The following ARID1B variants were observed in gnomAD, a reference collection of about 807,000 sequenced individuals.
The protein encoded by ARID1B is AT-rich interaction domain 1B, also known as AT-rich interactive domain-containing protein 1B.
A neutral mutation model predicts 212.3 loss-of-function variants in ARID1B; 30 were observed. The ratio of observed to expected loss-of-function variants is 0.14; its 90% CI spans 0.11 to 0.19. ARID1B has a LOEUF of 0.19. Ranked by LOEUF, ARID1B falls within the 10% of genes least tolerant of loss-of-function variation. The pLI, the probability that ARID1B is intolerant of heterozygous loss-of-function variation, is 1.00. For synonymous variants in ARID1B, 1,402 were observed against 1,301.7 expected (o/e 1.08, Z -1.66); for missense variants, 2,891 against 3,204.0 (o/e 0.90, Z 2.36).
In ARID1B at chr6:156,985,360, GT is replaced by G. The variant is rs1777858869; in HGVS notation, c.2247+49785del. On this transcript the variant is annotated intron_variant, in intron 4 of 19. Coordinates refer to ENST00000636930, the MANE Select transcript of ARID1B (RefSeq NM_001374828.1). ...TGTACTTAGCGTTTGTGTATAAAAT[GT>G]AAAGGAAGGTTTTTTAATTCAGAGA... 2.6e-5 allele frequency: 4 copies of G among 152,248 alleles called. No individual in the cohort carries two copies. The South Asian group carries it at 8.3e-4, about 32-fold the overall frequency. The allele number at this position is 152,248 out of a possible 1,614,324, so 9.4% of individuals were successfully genotyped here.
intron 1 of ARID1B, among the ~76,000 whole-genome samples, chr6:156,825,405 G>A (rs1759915118): frequency 6.6e-6 from 1 of 152,194 alleles, no homozygotes; most frequent in African/African-American, 2.4e-5. Context: ...CAGATAATCT[G>A]TGTATTTAAT....
intron 4 of ARID1B, among the ~76,000 whole-genome samples, chr6:157,074,181 C>T (rs1223886975): frequency 2.0e-5 from 3 of 152,168 alleles, no homozygotes. Context: ...AGCAAGAAGG[C>T]TTCACAGCAC....
rs1026953196 is a variant in ARID1B at position 157,208,821 on chromosome 6, T to G, written c.*930T>G. On this transcript the variant is annotated 3_prime_UTR_variant, in exon 20 of 20. Transcript: ENST00000636930. ...AATTTTTTATTTTTATTTTATATAT[T>G]TTTTCATTAGGGCCATATCTCCAAA... 9.0e-6 allele frequency: 2 copies of G among 221,178 alleles called. No individual in the cohort carries two copies. Among genetic ancestry groups the G allele is most frequent in the Non-Finnish European group, 1.8e-5 (2 of 111,740 alleles). 13.7% of individuals were successfully genotyped at this position (221,178 alleles called of 1,614,324 possible). A position where few individuals can be genotyped will look rare whatever the true frequency, so the allele number is the denominator to read the frequency against.
intron 6 of ARID1B, among the ~76,000 whole-genome samples, chr6:157,118,617 TTTC>T (rs1787497750): frequency 6.6e-6 from 1 of 152,228 alleles, no homozygotes; most frequent in Non-Finnish European, 1.5e-5. Context: ...CTGCTTCTAA[TTTC>T]TTCAGCCTCA....
chr6:156,784,340 A>G (rs1779488605), intron 1 of ARID1B, among the ~76,000 whole-genome samples: 1 of 152,162 alleles, frequency 6.6e-6, no homozygotes, highest in South Asian at 2.1e-4. Flanking sequence ...TACCAAGAAT[A>G]TATTTCTGTA....
rs1486497169 is a variant in ARID1B, at chr6:157,201,672, T to A, written c.5263+184T>A. 2.0e-5 allele frequency among the ~76,000 whole-genome samples: 3 copies of A among 152,184 alleles called. No homozygotes were observed. Among genetic ancestry groups the A allele is most frequent in the Non-Finnish European group, 4.4e-5 (3 of 68,032 alleles). On this transcript the variant is annotated intron_variant, in intron 18 of 19. Transcript: ENST00000636930. The surrounding 1 kb of genome is among the most constrained non-coding windows in gnomAD (Gnocchi z 5.2). ...GCTGCTAATCTGAATTAAGAAATAG[T>A]GCCAGAAAGATTGGCCGGGCGCGGT...
At chr6:157,011,291 T>A (rs1181815628) in intron 4 of ARID1B, among the ~76,000 whole-genome samples, 1 of 152,248 alleles carries the variant, frequency 6.6e-6, no homozygotes, top group African/African-American at 2.4e-5. Flanking sequence ...ATTTTGTAGT[T>A]CCTTCAAGCT....
At chr6:157,123,162 A>G (rs1787864479) in intron 6 of ARID1B, among the ~76,000 whole-genome samples, 1 of 150,850 alleles carries the variant, frequency 6.6e-6, no homozygotes, top group African/African-American at 2.4e-5. Flanking sequence ...CAGATACTCG[A>G]TGGGGATTTT....
intron 6 of ARID1B, among the ~76,000 whole-genome samples, chr6:157,124,713 A>G (rs555652347): frequency 6.6e-6 from 1 of 152,340 alleles, no homozygotes; most frequent in East Asian, 1.9e-4. Flanking sequence ...TGTGAATAGT[A>G]TATGTAAGTA....
chr6:156,931,079 A>G (rs934509586), intron 3 of ARID1B, among the ~76,000 whole-genome samples: 1 of 151,458 alleles, frequency 6.6e-6, no homozygotes, highest in African/African-American at 2.4e-5. Context: ...AGTCCCAGCT[A>G]CTCGGGAGGC....
At chr6:157,186,308 A>G in intron 13 of ARID1B, 1 of 379,106 alleles carries the variant, frequency 2.6e-6, no homozygotes, top group Non-Finnish European at 5.4e-6. Context: ...TTAACTACAC[A>G]AAAGAGCTTG....
At chr6:156,918,550 C>T (rs1198288650) in intron 3 of ARID1B, among the ~76,000 whole-genome samples, 1 of 152,118 alleles carries the variant, frequency 6.6e-6, no homozygotes, top group African/African-American at 2.4e-5. Context: ...TTAGTGAAGA[C>T]TTGGGTTATG....
chr6:156,921,038 A>T (rs1790743362), intron 3 of ARID1B, among the ~76,000 whole-genome samples: 1 of 151,764 alleles, frequency 6.6e-6, no homozygotes, highest in South Asian at 2.1e-4. Flanking sequence ...GGACTCCAGG[A>T]CCCTGGACCC....
rs139473414 is a variant in ARID1B at position 157,191,459 on chromosome 6, G to A, written c.4231+1249G>A. 3.7e-3 allele frequency among the ~76,000 whole-genome samples: 568 copies of A among 152,226 alleles called. 3 individuals carry two copies. The highest frequency in any genetic ancestry group is 0.013 in the African/African-American group (528 of 41,506). On this transcript the variant is annotated intron_variant, in intron 15 of 19. Coordinates refer to ENST00000636930, the MANE Select transcript of ARID1B (RefSeq NM_001374828.1). ...CTGGAGCTGAGCAGATGTTGGGATCGGTATGATCTTGGAGTAGTAAGTGTA... is the reference window on the plus strand; with the variant it reads ...CTGGAGCTGAGCAGATGTTGGGATCAGTATGATCTTGGAGTAGTAAGTGTA...
At chr6:156,912,514 T>C (rs73007022) in intron 3 of ARID1B, among the ~76,000 whole-genome samples, 4 of 152,296 alleles carry the variant, frequency 2.6e-5, no homozygotes, top group Non-Finnish European at 4.4e-5. Flanking sequence ...TGACCACTGA[T>C]GTTAGATCAT....
chr6:157,186,828 C>G (rs913241751), intron 13 of ARID1B, among the ~76,000 whole-genome samples: 1 of 152,108 alleles, frequency 6.6e-6, no homozygotes, highest in African/African-American at 2.4e-5. Flanking sequence ...AGCTAAAATC[C>G]TAAGTCTTTT....
At chr6:157,154,588 T>G (rs560228109) in intron 8 of ARID1B, among the ~76,000 whole-genome samples, 15 of 144,694 alleles carry the variant, frequency 1.0e-4, no homozygotes, top group South Asian at 4.5e-4. Flanking sequence ...TTGTTTTTTT[T>G]TTTTTTTTTT....
At chr6:156,943,739 T>C (rs1189267554) in intron 4 of ARID1B, 1 of 152,212 alleles carries the variant, frequency 6.6e-6, no homozygotes, top group African/African-American at 2.4e-5. Context: ...AGCTAATTTT[T>C]TAGAGCTCTT....
At chr6:157,069,078 A>G (rs1428689897) in intron 4 of ARID1B, among the ~76,000 whole-genome samples, 1 of 152,024 alleles carries the variant, frequency 6.6e-6, no homozygotes, top group Non-Finnish European at 1.5e-5. Flanking sequence ...TTAATGTTTA[A>G]CTTGTATCAC....
Sources: allele counts gnomAD v4.1 joint callset (sites outside exome capture counted in the v4.1 genomes callset), GRCh38; gene constraint gnomAD v4.1.1; non-coding constraint Gnocchi (gnomAD v3.1); transcripts MANE v1.5; gene names NCBI Gene and HGNC (gene_info 2026-07-23, HGNC 2026-07-21).